The following STK25 variants were observed in gnomAD, a reference collection of about 807,000 sequenced individuals.
STK25 encodes the protein serine/threonine-protein kinase 25.
A neutral mutation model predicts 53.8 loss-of-function variants in STK25; 29 were observed. The observed-to-expected ratio is 0.54, with a 90% confidence interval of 0.40 to 0.74. STK25 has a LOEUF of 0.74. Ranked by LOEUF, STK25 falls within the 30% of genes least tolerant of loss-of-function variation. The probability of loss-of-function intolerance (pLI) is 0.00; values close to 1 mark genes in which losing one functional copy is unlikely to be tolerated. For missense variants in STK25, 420 were observed against 568.0 expected (o/e 0.74, Z 2.65); for synonymous variants, 247 against 238.3 (o/e 1.04, Z -0.33).
Position 241,493,087 on chromosome 2 carries a change from C to A in STK25, c.*2575G>T. The A allele has an allele frequency of 8.6e-7, 1 of 1,164,528 alleles. No homozygotes were observed. The allele number at this position is 1,164,528 out of a possible 1,614,324, so 72.1% of individuals were successfully genotyped here. A position where few individuals can be genotyped will look rare whatever the true frequency, so the allele number is the denominator to read the frequency against. ...TGCAGGTGATGCTAGCAGACAGACA[C>A]TTAACCCTGCTCACCTGTGTCCCTT... On this transcript the variant is annotated 3_prime_UTR_variant, in exon 12 of 12. Transcript: ENST00000316586.
In STK25 at chr2:241,501,453, G is replaced by A; in HGVS notation, c.261+25C>T. ...GAGAGCCGGGCACAGCACCAGCAGG[G>A]TCCCCGCCTCCCCACAACAGGCACC... On this transcript the variant is annotated intron_variant, in intron 3 of 11. Transcript: ENST00000316586. The surrounding 1 kb of genome is among the most constrained non-coding windows in gnomAD (Gnocchi z 5.3). 1 of 1,606,418 alleles carries A rather than the reference G, an allele frequency of 6.2e-7. No homozygotes were observed.
intron 2 of STK25, among the ~76,000 whole-genome samples, chr2:241,502,155 A>G (rs542032069): frequency 1.8e-4 from 27 of 152,024 alleles, no homozygotes; most frequent in African/African-American, 6.0e-4. Context: ...CAAGAATCAA[A>G]CTCCATTAAA....
At chr2:241,506,422 A>T (rs1461048766) in intron 2 of STK25, among the ~76,000 whole-genome samples, 1 of 152,186 alleles carries the variant, frequency 6.6e-6, no homozygotes. Flanking sequence ...GGCACCTCGG[A>T]GCTCCAATTT....
rs1310239859 is a variant in STK25 at position 241,493,682 on chromosome 2, C to T, written c.*1980G>A. ...CAATCTTGGCTCACTATAACCTGCA[C>T]CTCCAGGGTTCAAGCGATTCTTCTG... On this transcript the variant is annotated 3_prime_UTR_variant, in exon 12 of 12. Transcript: ENST00000316586. 3 of 551,194 alleles carry T rather than the reference C, an allele frequency of 5.4e-6. No homozygotes were observed. The highest frequency in any genetic ancestry group is 3.1e-5 in the Admixed American group (1 of 32,202). The allele number at this position is 551,194 out of a possible 1,614,324, so 34.1% of individuals were successfully genotyped here.
At position 241,493,165 on chromosome 2, in the gene STK25, G is replaced by C; in HGVS notation, c.*2497C>G. 1.6e-6 allele frequency: 2 copies of C among 1,232,074 alleles called. No individual in the cohort carries two copies. The highest frequency in any genetic ancestry group is 1.2e-6 in the Non-Finnish European group (1 of 850,594). 76.3% of individuals were successfully genotyped at this position (1,232,074 alleles called of 1,614,324 possible). On this transcript the variant is annotated 3_prime_UTR_variant, in exon 12 of 12. Transcript: ENST00000316586. ...TTTGCCCACACACCCTGTGCTGTGTGAACAGGGAAACTGGCTCCCTTGGCC... is the reference window on the plus strand; with the variant it reads ...TTTGCCCACACACCCTGTGCTGTGTCAACAGGGAAACTGGCTCCCTTGGCC...
chr2:241,497,784 G>T, intron 9 of STK25, 97 bp from the exon 10 acceptor site: 1 of 1,248,888 alleles, frequency 8.0e-7, no homozygotes, highest in Non-Finnish European at 1.2e-6. Flanking sequence ...AGAGACAGAG[G>T]CTGGGAGCAG....
chr2:241,508,208 A>G (rs1406280084), intron 1 of STK25, 73 bp from the exon 2 acceptor site: 3 of 1,304,354 alleles, frequency 2.3e-6, no homozygotes, highest in African/African-American at 1.9e-5. Flanking sequence ...GGCGGGCTCC[A>G]TGGGTGGGGG....
chr2:241,499,344 T>C lies in STK25; in HGVS notation c.498A>G (p.Thr166=). ...LADFGVAGQL[T]DTQIKRNTFV... is the part of the protein sequence containing the mutation. ...ATGTGTTCCTCTTAATCTGCGTGTC[T>C]GTGAGCTGCCCTGCTACCCCAAAGT... The change falls in exon 6 of 12, where the codon ACA becomes ACG. Residue 166 remains threonine, a synonymous_variant. Transcript: ENST00000316586. 6.2e-7 allele frequency: 1 copy of C among 1,613,994 alleles called. No homozygotes were observed. The highest frequency in any genetic ancestry group is 8.5e-7 in the Non-Finnish European group (1 of 1,179,974).
chr2:241,508,863 C>T (rs542269576), upstream of STK25, among the ~76,000 whole-genome samples: 6 of 152,288 alleles, frequency 3.9e-5, no homozygotes, highest in East Asian at 1.2e-3. Flanking sequence ...CTCCCTGCCT[C>T]GCCCTCGCGG....
At chr2:241,507,061 C>T (rs762880588) in intron 2 of STK25, among the ~76,000 whole-genome samples, 10 of 152,172 alleles carry the variant, frequency 6.6e-5, no homozygotes, top group Non-Finnish European at 1.3e-4. Context: ...ACTGCAGGCC[C>T]AACTCTCCAT....
Position 241,497,685 on chromosome 2 carries a change from A to G in STK25, c.1035T>C (p.Pro345=). Residue 345 remains proline (P), a splice_region_variant and synonymous_variant, in exon 10 of 12, where the codon CCT becomes CCC. Coordinates refer to ENST00000316586, the MANE Select transcript of STK25 (RefSeq NM_001271977.2). The part of the protein sequence containing the change: ...KGTALHSSQK[P]AEPVKRQPRS... The stretch of plus-strand genomic sequence containing the variant: ...TCGGCTGCCTCTTGACGGGCTCCGC[A>G]GGCTGCAAAGGAGTGGAGGCCCAGG... 6.2e-7 allele frequency: 1 copy of G among 1,613,308 alleles called. No homozygotes were observed. Among genetic ancestry groups the G allele is most frequent in the Non-Finnish European group, 8.5e-7 (1 of 1,179,938 alleles).
rs1008878279 is a variant in STK25 at position 241,501,878 on chromosome 2, C to T, written c.31-170G>A. On this transcript the variant is annotated intron_variant, in intron 2 of 11. Transcript: ENST00000316586. The surrounding 1 kb of genome is among the most constrained non-coding windows in gnomAD (Gnocchi z 5.3). ...TCCTTTCTCCCTTTTTGTTCAAAAACTAAACTTGGCCGGGCGTGGTGGCTC... is the reference window on the plus strand; with the variant it reads ...TCCTTTCTCCCTTTTTGTTCAAAAATTAAACTTGGCCGGGCGTGGTGGCTC... The T allele has an allele frequency of 1.2e-5, 7 of 598,422 alleles. No individual in the cohort carries two copies. The highest frequency in any genetic ancestry group is 3.0e-5 in the Admixed American group (1 of 33,608). 37.1% of individuals were successfully genotyped at this position (598,422 alleles called of 1,614,324 possible).
intron 2 of STK25, chr2:241,503,913 A>T: frequency 7.0e-6 from 3 of 427,860 alleles, no homozygotes; most frequent in Middle Eastern, 3.9e-4. Flanking sequence ...CCAGCGGAGG[A>T]GCTGGCTGAA....
intron 8 of STK25, 71 bp downstream of exon 8, chr2:241,498,568 C>T: frequency 1.3e-6 from 2 of 1,545,476 alleles, no homozygotes; most frequent in Admixed American, 1.9e-5. Flanking sequence ...GGCCCACGCC[C>T]CTGCTTCTGG....
chr2:241,496,261 G>A lies in STK25; in HGVS notation c.1241+137C>T, dbSNP rs1489152077. 7 of 1,071,506 alleles carry A rather than the reference G, an allele frequency of 6.5e-6. No homozygotes were observed. The highest frequency in any genetic ancestry group is 4.7e-5 in the African/African-American group (3 of 63,626). 66.4% of individuals were successfully genotyped at this position (1,071,506 alleles called of 1,614,324 possible). On this transcript the variant is annotated intron_variant, in intron 11 of 11. Transcript: ENST00000316586. This position sits in a 1 kb window ranked among gnomAD's most constrained non-coding sequence, Gnocchi z 5.8. Reference sequence around the variant, plus strand: ...GTCCAAACAAGGAAGAGGATGCCACGCCGCGCCTTCCCAGAGTGAAGCGAG... The same window carrying A: ...GTCCAAACAAGGAAGAGGATGCCACACCGCGCCTTCCCAGAGTGAAGCGAG...
chr2:241,501,153 T>A lies in STK25; in HGVS notation c.261+325A>T. On this transcript the variant is annotated intron_variant, in intron 3 of 11. Coordinates refer to ENST00000316586, the MANE Select transcript of STK25 (RefSeq NM_001271977.2). This position sits in a 1 kb window ranked among gnomAD's most constrained non-coding sequence, Gnocchi z 5.3. ...CTCCTGGGCAGGATGGCCACAGCGT[T>A]CCCTACACCCCAGACACTGGCACCA... 1 of 546,216 alleles carries A rather than the reference T, an allele frequency of 1.8e-6. No individual in the cohort carries two copies. The allele number at this position is 546,216 out of a possible 1,614,324, so 33.8% of individuals were successfully genotyped here.
At chr2:241,497,720 G>T (rs6753745) in intron 9 of STK25, 33 bp from the exon 10 acceptor site, 1 of 1,608,278 alleles carries the variant, frequency 6.2e-7, no homozygotes, top group Non-Finnish European at 8.5e-7. Context: ...GGTGAGCAGG[G>T]CAGTGCAGGT....
At position 241,501,486 on chromosome 2, in the gene STK25, A is replaced by T; in HGVS notation, c.253T>A (p.Tyr85Asn). Residue 85 changes from tyrosine to asparagine, a missense_variant, in exon 3 of 12, where the codon TAC (tyrosine) becomes AAC (asparagine). Coordinates refer to ENST00000316586, the MANE Select transcript of STK25 (RefSeq NM_001271977.2). The surrounding 1 kb of genome is among the most constrained non-coding windows in gnomAD (Gnocchi z 5.3). The stretch of plus-strand genomic sequence containing the variant: ...CTCCCCACAACAGGCACCTTTAGGT[A>T]GGAGCCAAAGTAGCGGGTGATGTAG... ...SPYITRYFGS[Y>N]LKSTKLWIIM... is the part of the protein sequence containing the mutation. 1.2e-6 allele frequency: 2 copies of T among 1,613,190 alleles called. No individual in the cohort carries two copies. Among genetic ancestry groups the T allele is most frequent in the Non-Finnish European group, 1.7e-6 (2 of 1,179,250 alleles).
chr2:241,499,504 G>A, intron 5 of STK25, 90 bp from the exon 6 acceptor site: 1 of 1,484,282 alleles, frequency 6.7e-7, no homozygotes, highest in Non-Finnish European at 9.0e-7. Context: ...CCATCCACCT[G>A]GCCTCCTAGG....
Sources: allele counts gnomAD v4.1 joint callset (sites outside exome capture counted in the v4.1 genomes callset), GRCh38; gene constraint gnomAD v4.1.1; non-coding constraint Gnocchi (gnomAD v3.1); transcripts MANE v1.5; gene names NCBI Gene and HGNC (gene_info 2026-07-23, HGNC 2026-07-21).